The following NTM variants were observed in gnomAD, a reference collection of about 807,000 sequenced individuals.
The protein encoded by NTM is IgLON family member 2.
Under a neutral mutation model 42.1 loss-of-function variants are expected in NTM, and 13 were observed. The observed-to-expected ratio is 0.31, with a 90% CI of 0.20 to 0.49. The LOEUF is 0.49. Among genes scored for constraint, NTM ranks in the 20% least tolerant of loss-of-function variants. The pLI is 0.99. For missense variants in NTM, 373 were observed against 452.8 expected, an observed-to-expected ratio of 0.82 and a Z score of 1.60; for synonymous variants, 187 against 179.2, an observed-to-expected ratio of 1.04 and a Z score of -0.35.
At chr11:132,150,577 A>G (rs913273972) in intron 3 of NTM, among the ~76,000 whole-genome samples, 16 of 152,328 alleles carry the variant, frequency 1.1e-4, no homozygotes, top group African/African-American at 3.8e-4. Context: ...TTTTAAATAG[A>G]TGGTGCTCTT....
chr11:131,760,863 C>T (rs1334000481), intron 1 of NTM, among the ~76,000 whole-genome samples: 3 of 152,258 alleles, frequency 2.0e-5, no homozygotes, highest in South Asian at 4.2e-4. Context: ...ACTGTGCCCA[C>T]GATGCTGGAG....
chr11:132,272,181 A>G (rs961396770), intron 4 of NTM, among the ~76,000 whole-genome samples: 2 of 152,146 alleles, frequency 1.3e-5, no homozygotes, highest in Non-Finnish European at 2.9e-5. Flanking sequence ...TCATTTGATC[A>G]TAACTGTGGG....
chr11:132,180,062 TA>T (rs2077342538), intron 3 of NTM, among the ~76,000 whole-genome samples: 1 of 152,168 alleles, frequency 6.6e-6, no homozygotes, highest in African/African-American at 2.4e-5. Context: ...TTTAAAGGCC[TA>T]TGGGAACCCC....
intron 1 of NTM, among the ~76,000 whole-genome samples, chr11:131,484,733 G>A (rs1953973073): frequency 1.3e-5 from 2 of 152,204 alleles, no homozygotes; most frequent in South Asian, 4.2e-4. Flanking sequence ...AAGTCCTAAA[G>A]ACATTTTTTT....
At chr11:131,818,433 A>T (rs1168527686) in intron 1 of NTM, among the ~76,000 whole-genome samples, 1 of 152,160 alleles carries the variant, frequency 6.6e-6, no homozygotes, top group Non-Finnish European at 1.5e-5. Context: ...CTTGGCTCTA[A>T]AGACATAGAT....
chr11:131,472,961 C>G (rs940114716), intron 1 of NTM, among the ~76,000 whole-genome samples: 1 of 152,090 alleles, frequency 6.6e-6, no homozygotes, highest in African/African-American at 2.4e-5. Context: ...AATTGATTTT[C>G]CACGGTGTAC....
At chr11:131,691,081 G>C (rs114480718) in intron 1 of NTM, among the ~76,000 whole-genome samples, 1 of 152,172 alleles carries the variant, frequency 6.6e-6, no homozygotes, top group African/African-American at 2.4e-5. Flanking sequence ...CAGAGGATCC[G>C]GCGCCTGCCC....
At chr11:132,115,680 T>C (rs1175985515) in intron 2 of NTM, among the ~76,000 whole-genome samples, 3 of 152,212 alleles carry the variant, frequency 2.0e-5, no homozygotes, top group Admixed American at 2.0e-4. Context: ...AGCTATTGAA[T>C]AAGCCATGAC....
At chr11:132,273,002 GTTTTGT>G (rs1242275461) in intron 4 of NTM, among the ~76,000 whole-genome samples, 4 of 151,894 alleles carry the variant, frequency 2.6e-5, no homozygotes, top group Non-Finnish European at 4.4e-5. Context: ...TATGATTTTT[GTTTTGT>G]TTTTGTTTTT....
intron 4 of NTM, among the ~76,000 whole-genome samples, chr11:132,245,224 G>A (rs1333589598): frequency 1.3e-5 from 2 of 152,130 alleles, no homozygotes; most frequent in Non-Finnish European, 2.9e-5. Flanking sequence ...TCTTGTGGCC[G>A]CCTCCTGGAG....
intron 1 of NTM, among the ~76,000 whole-genome samples, chr11:131,425,481 G>A (rs1948040683): frequency 6.6e-6 from 1 of 152,188 alleles, no homozygotes; most frequent in Non-Finnish European, 1.5e-5. Context: ...TTAGAACTCT[G>A]AGAGAGGAAA....
chr11:131,788,967 C>T (rs1230713689), intron 1 of NTM, among the ~76,000 whole-genome samples: 2 of 152,124 alleles, frequency 1.3e-5, no homozygotes, highest in Admixed American at 6.5e-5. Flanking sequence ...TCTGTTCTGG[C>T]TCATTACCCG....
intron 1 of NTM, among the ~76,000 whole-genome samples, chr11:131,569,304 C>G (rs958381014): frequency 2.6e-5 from 4 of 152,106 alleles, no homozygotes; most frequent in African/African-American, 9.7e-5. Flanking sequence ...ACCACTATGC[C>G]TGGCTAATTT....
chr11:132,138,349 A>G (rs1157547454), intron 2 of NTM, among the ~76,000 whole-genome samples: 3 of 152,202 alleles, frequency 2.0e-5, no homozygotes, highest in Non-Finnish European at 4.4e-5. Context: ...CGGTATATGA[A>G]TTAATATTTA....
intron 1 of NTM, among the ~76,000 whole-genome samples, chr11:131,429,213 G>A (rs1948452303): frequency 1.3e-5 from 2 of 152,182 alleles, no homozygotes; most frequent in Admixed American, 1.3e-4. Flanking sequence ...AATGAACGTT[G>A]TGATTCCCTA....
chr11:131,965,760 G>C lies in NTM; in HGVS notation c.167+54112G>C, dbSNP rs566514210. On this transcript the variant is annotated intron_variant, in intron 2 of 8. Coordinates refer to ENST00000683400, the MANE Select transcript of NTM (RefSeq NM_001352005.2). ...ATTGGAGTGATTTATTCTTACAAAG[G>C]CACTGGAGAAAACTTCAGTGGACTA... 2.3e-4 allele frequency among the ~76,000 whole-genome samples: 35 copies of C among 152,280 alleles called. 1 individual carries two copies. In the South Asian group the frequency reaches 6.0e-3, roughly 26 times the overall value.
chr11:131,505,619 C>G (rs1264026207), intron 1 of NTM, among the ~76,000 whole-genome samples: 1 of 152,216 alleles, frequency 6.6e-6, no homozygotes, highest in African/African-American at 2.4e-5. Flanking sequence ...GGTTCTAAAA[C>G]TGGCTTCCCA....
chr11:131,991,541 T>A (rs1565898818), intron 2 of NTM, among the ~76,000 whole-genome samples: 1 of 151,862 alleles, frequency 6.6e-6, no homozygotes, highest in Non-Finnish European at 1.5e-5. Flanking sequence ...TCATTTTAAG[T>A]CAAATGAGAG....
At chr11:132,203,561 T>C (rs1366161178) in intron 3 of NTM, among the ~76,000 whole-genome samples, 1 of 152,202 alleles carries the variant, frequency 6.6e-6, no homozygotes, top group African/African-American at 2.4e-5. Flanking sequence ...TTCCCATGAT[T>C]CCATGTGCGT....
Sources: allele counts gnomAD v4.1 joint callset (sites outside exome capture counted in the v4.1 genomes callset), GRCh38; gene constraint gnomAD v4.1.1; transcripts MANE v1.5; gene names NCBI Gene and HGNC (gene_info 2026-07-23, HGNC 2026-07-21).